Variants in KIAA1217 observed in about 807,000 individuals in gnomAD.
The protein encoded by KIAA1217 is sickle tail protein homolog.
KIAA1217 carries 88 observed loss-of-function variants against 163.9 expected under a neutral mutation model. The ratio of observed to expected loss-of-function variants is 0.54; its 90% CI spans 0.45 to 0.64. The LOEUF is 0.64. KIAA1217 is among the 30% of genes least tolerant of loss of function. The pLI is 0.00. For synonymous variants in KIAA1217, 903 were observed against 923.1 expected (o/e 0.98, Z 0.39); for missense variants, 2,372 against 2,475.0 (o/e 0.96, Z 0.88).
chr10:23,860,621 A>T (rs1029740334), intron 1 of KIAA1217, among the ~76,000 whole-genome samples: 6 of 152,304 alleles, frequency 3.9e-5, no homozygotes, highest in African/African-American at 1.4e-4. Context: ...TGCAGTTTTA[A>T]AAAAGCAAAT....
intron 2 of KIAA1217, among the ~76,000 whole-genome samples, chr10:24,185,582 G>T (rs771911260): frequency 1.3e-5 from 2 of 152,056 alleles, no homozygotes; most frequent in Non-Finnish European, 2.9e-5. Flanking sequence ...ATTACTTGTG[G>T]TAAGGAGTGC....
In KIAA1217 at chr10:24,219,643, C is replaced by T; in HGVS notation, c.88C>T (p.Leu30=). 1 of 1,601,894 alleles carries T rather than the reference C, an allele frequency of 6.2e-7. No homozygotes were observed. Among genetic ancestry groups the T allele is most frequent in the South Asian group, 1.1e-5 (1 of 89,084 alleles). ...TCTTTCAGAACAAGGCAAAGGCAAT[C>T]TGCATGTAACATCACCAGAAGATGC... ...RQMQEQGKGN[L]HVTSPEDAEC... is the part of the protein sequence containing the mutation. The change falls in exon 2 of 21, where the codon CTG becomes TTG. Residue 30 remains leucine, a synonymous_variant. Transcript: ENST00000376454.
chr10:24,277,609 A>G (rs2077452566), intron 2 of KIAA1217, among the ~76,000 whole-genome samples: 1 of 152,188 alleles, frequency 6.6e-6, no homozygotes, highest in Admixed American at 6.5e-5. Context: ...GTGAGTTCTC[A>G]TGAAAGCTGA....
Position 24,524,650 on chromosome 10 carries a change from G to A in KIAA1217, c.2784G>A (p.Gln928=). 3.1e-6 allele frequency: 5 copies of A among 1,614,188 alleles called. No individual in the cohort carries two copies. Among genetic ancestry groups the A allele is most frequent in the Non-Finnish European group, 4.2e-6 (5 of 1,180,050 alleles). ...AVPQEATSTL[Q]MSQAPQSPQI... is the part of the protein sequence containing the mutation. ...CCCAGGAAGCAACCTCCACTCTGCA[G>A]ATGTCGCAGGCTCCGCAGTCCCCAC... The change falls in exon 13 of 21, where the codon CAG becomes CAA. Residue 928 remains glutamine, a synonymous_variant. Coordinates refer to ENST00000376454, the MANE Select transcript of KIAA1217 (RefSeq NM_019590.5).
chr10:24,125,320 CTCTGTG>C (rs1312292039), intron 2 of KIAA1217, among the ~76,000 whole-genome samples: 64 of 92,254 alleles, frequency 6.9e-4, no homozygotes, highest in African/African-American at 2.7e-3. Flanking sequence ...GAATCCTATG[CTCTGTG>C]TGTGTGTGTG....
Position 23,959,223 on chromosome 10 carries a change from G to T in KIAA1217, c.-320-48002G>T, listed in dbSNP as rs565767171. ...TTTCTTACCTATTGCCTGGTTCATG[G>T]CTGAGGCCTCTATAATAAAAGATAT... is the stretch of plus-strand genomic sequence containing the variant. On this transcript the variant is annotated intron_variant, in intron 1 of 18. Coordinates refer to the KIAA1217 transcript ENST00000376462. 1.5e-4 allele frequency among the ~76,000 whole-genome samples: 23 copies of T among 152,174 alleles called. 1 individual carries two copies. The East Asian group carries it at 4.5e-3, about 29-fold the overall frequency.
intron 2 of KIAA1217, among the ~76,000 whole-genome samples, chr10:24,272,860 T>C (rs1455298067): frequency 2.6e-5 from 4 of 152,182 alleles, no homozygotes; most frequent in South Asian, 2.1e-4. Flanking sequence ...CATGTTGGAA[T>C]AAAGTCTTCT....
intron 5 of KIAA1217, among the ~76,000 whole-genome samples, chr10:24,440,722 A>G (rs1347668108): frequency 6.6e-6 from 1 of 152,190 alleles, no homozygotes; most frequent in Non-Finnish European, 1.5e-5. Flanking sequence ...TGTGTGTGAG[A>G]AACTCAATCA....
chr10:24,418,772 T>C (rs1042352994), intron 3 of KIAA1217, among the ~76,000 whole-genome samples: 1 of 152,186 alleles, frequency 6.6e-6, no homozygotes, highest in Non-Finnish European at 1.5e-5. Flanking sequence ...CAGAGTCTTT[T>C]TGATAGTTTG....
chr10:24,197,846 T>C (rs890197585), intron 2 of KIAA1217, among the ~76,000 whole-genome samples: 2 of 152,270 alleles, frequency 1.3e-5, no homozygotes, highest in Admixed American at 1.3e-4. Flanking sequence ...GACTCCATGG[T>C]GCTTGCAGGA....
chr10:24,248,232 A>G (rs1282971389), intron 2 of KIAA1217, among the ~76,000 whole-genome samples: 1 of 152,194 alleles, frequency 6.6e-6, no homozygotes. Flanking sequence ...CTTTCTAAAC[A>G]AATGCTGTTT....
At chr10:24,223,711 CTTTT>C (rs535787368) in intron 2 of KIAA1217, among the ~76,000 whole-genome samples, 2 of 128,506 alleles carry the variant, frequency 1.6e-5, no homozygotes, top group Non-Finnish European at 1.7e-5. Flanking sequence ...AATCTAGGTT[CTTTT>C]TTTTTTTTTT....
At chr10:24,280,532 CCGGG>C (rs1387424198) in intron 2 of KIAA1217, among the ~76,000 whole-genome samples, 3 of 152,266 alleles carry the variant, frequency 2.0e-5, no homozygotes, top group East Asian at 1.9e-4. Context: ...ATAAACCTGG[CCGGG>C]CGTGGTGACT....
At chr10:24,179,365 A>G (rs2066061768) in intron 2 of KIAA1217, among the ~76,000 whole-genome samples, 1 of 152,032 alleles carries the variant, frequency 6.6e-6, no homozygotes, top group Admixed American at 6.6e-5. Context: ...CTGTCTCATG[A>G]TAGACTTCTC....
intron 2 of KIAA1217, among the ~76,000 whole-genome samples, chr10:24,020,051 C>G (rs1285013042): frequency 6.6e-6 from 1 of 152,078 alleles, no homozygotes; most frequent in Non-Finnish European, 1.5e-5. Flanking sequence ...TCAGTAAATT[C>G]TTTCCCCCAA....
At chr10:24,378,092 T>G (rs2052763745) in intron 2 of KIAA1217, among the ~76,000 whole-genome samples, 1 of 152,184 alleles carries the variant, frequency 6.6e-6, no homozygotes, top group African/African-American at 2.4e-5. Context: ...TCTGCACTTT[T>G]TTCTGTTTCA....
chr10:24,018,324 A>G (rs947502124), intron 2 of KIAA1217, among the ~76,000 whole-genome samples: 14 of 152,124 alleles, frequency 9.2e-5, no homozygotes, highest in African/African-American at 3.4e-4. Context: ...TATAGCAAGT[A>G]TAGTAGAGTT....
At chr10:23,704,182 A>ATATATATATATATATATATATT (rs1836718704) in intron 1 of KIAA1217, among the ~76,000 whole-genome samples, 1 of 97,304 alleles carries the variant, frequency 1.0e-5, no homozygotes, top group Non-Finnish European at 1.9e-5. Context: ...GTATATATAT[A>ATATATATATATATATATATATT]TATATATATA....
intron 6 of KIAA1217, among the ~76,000 whole-genome samples, chr10:24,492,852 CTT>C (rs34744228): frequency 2.7e-4 from 40 of 146,878 alleles, no homozygotes; most frequent in Admixed American, 8.8e-4. Flanking sequence ...GCCATCATTA[CTT>C]TTTTTTTTTT....
Sources: gnomAD v4.1 joint callset for allele counts (sites outside exome capture counted in the v4.1 genomes callset) on GRCh38, gnomAD v4.1.1 for gene constraint, MANE v1.5 for transcripts, NCBI Gene and HGNC (gene_info 2026-07-23, HGNC 2026-07-21) for gene names.